Variants in FRMD4B observed in about 807,000 individuals in gnomAD.
FRMD4B encodes the protein FERM domain-containing protein 4B.
A neutral mutation model predicts 141.5 loss-of-function variants in FRMD4B; 74 were observed. The observed-to-expected ratio is 0.52, with a 90% CI of 0.43 to 0.63. FRMD4B has a LOEUF of 0.63. Ranked by LOEUF, FRMD4B falls within the 30% of genes least tolerant of loss-of-function variation. The pLI, the probability that FRMD4B is intolerant of heterozygous loss-of-function variation, is 0.00. For synonymous variants in FRMD4B, 506 were observed against 467.9 expected (o/e 1.08, Z -1.05); for missense variants, 1,366 against 1,253.4 (o/e 1.09, Z -1.36).
intron 22 of FRMD4B, among the ~76,000 whole-genome samples, chr3:69,175,067 G>A (rs545169874): frequency 4.6e-5 from 7 of 151,974 alleles, no homozygotes; most frequent in Middle Eastern, 3.2e-3. Context: ...CACTGAATGC[G>A]GAGGAAAAAA....
At chr3:69,455,625 A>G (rs1252023256) in intron 1 of FRMD4B, among the ~76,000 whole-genome samples, 3 of 152,226 alleles carry the variant, frequency 2.0e-5, no homozygotes, top group South Asian at 2.1e-4. Flanking sequence ...TGTAATGCTC[A>G]CTGCGAGGGT....
intron 1 of FRMD4B, among the ~76,000 whole-genome samples, chr3:69,374,176 T>C (rs1438327315): frequency 6.6e-6 from 1 of 152,230 alleles, no homozygotes; most frequent in Non-Finnish European, 1.5e-5. Flanking sequence ...GAGCTACTAT[T>C]TCTCCATCAA....
chr3:69,540,030 T>C (rs146693064), intron 1 of FRMD4B, among the ~76,000 whole-genome samples: 216 of 151,936 alleles, frequency 1.4e-3, no homozygotes, highest in African/African-American at 4.9e-3. Context: ...CGGTCTCTAC[T>C]AAAAATACAA....
At chr3:69,221,707 A>G in intron 9 of FRMD4B, 151 bp downstream of exon 9, 1 of 618,820 alleles carries the variant, frequency 1.6e-6, no homozygotes, top group South Asian at 1.8e-5. Flanking sequence ...CAATGTATAG[A>G]ATGACCGAAG....
intron 4 of FRMD4B, among the ~76,000 whole-genome samples, chr3:69,292,814 C>T (rs982897460): frequency 1.1e-4 from 7 of 66,482 alleles, no homozygotes; most frequent in Admixed American, 7.7e-4. Flanking sequence ...TTTTTTTCAG[C>T]CTTTTTTTTT....
chr3:69,376,897 C>T (rs1460289482), intron 1 of FRMD4B: 2 of 151,834 alleles, frequency 1.3e-5, no homozygotes, highest in African/African-American at 4.8e-5. Context: ...TCAGAATAAA[C>T]ATAAGTAGGG....
intron 2 of FRMD4B, among the ~76,000 whole-genome samples, chr3:69,391,672 C>G (rs1337235281): frequency 6.6e-6 from 1 of 152,190 alleles, no homozygotes; most frequent in Non-Finnish European, 1.5e-5. Flanking sequence ...TTATGAAAGT[C>G]TCTGACTGTA....
chr3:69,536,752 T>A (rs1701093758), intron 1 of FRMD4B: 1 of 538,058 alleles, frequency 1.9e-6, no homozygotes, highest in African/African-American at 1.9e-5. Flanking sequence ...ATTTTTTTAA[T>A]TTTTTATTTT....
rs75908870 is a variant in FRMD4B, at chr3:69,459,832, A to G, written c.-128-27071T>C. On this transcript the variant is annotated intron_variant, in intron 1 of 5. Coordinates refer to the FRMD4B transcript ENST00000459638. Reference sequence around the variant, plus strand: ...GTAATTGTTACCTCTTTTGTGTTCCATATTGAATTGTGCTTGTCTGTAACA... The same window carrying G: ...GTAATTGTTACCTCTTTTGTGTTCCGTATTGAATTGTGCTTGTCTGTAACA... 4.6e-5 allele frequency among the ~76,000 whole-genome samples: 7 copies of G among 152,354 alleles called. No homozygotes were observed. In the East Asian group the frequency reaches 7.7e-4, roughly 17 times the overall value.
At chr3:69,423,631 G>A (rs1345391425) in intron 2 of FRMD4B, among the ~76,000 whole-genome samples, 3 of 152,170 alleles carry the variant, frequency 2.0e-5, no homozygotes, top group Non-Finnish European at 2.9e-5. Context: ...GTGTCAGAAT[G>A]ATAGGAGATA....
At position 69,344,422 on chromosome 3, in the gene FRMD4B, T is replaced by A. The variant is rs79864041; in HGVS notation, c.163-30905A>T. On this transcript the variant is annotated intron_variant, in intron 1 of 22. Coordinates refer to ENST00000398540, the MANE Select transcript of FRMD4B (RefSeq NM_015123.3). The stretch of plus-strand genomic sequence containing the variant: ...GGTTAAACACAGTGACAGATAGAGC[T>A]GTAATATATTTGGGTAATAGGGAAG... Among the ~76,000 whole-genome samples the A allele has an allele frequency of 1.1e-4, 17 of 152,330 alleles. No individual in the cohort carries two copies. In the East Asian group the frequency reaches 3.3e-3, roughly 29 times the overall value.
At chr3:69,215,333 C>T (rs941874729) in intron 11 of FRMD4B, among the ~76,000 whole-genome samples, 2 of 61,646 alleles carry the variant, frequency 3.2e-5, no homozygotes, top group Non-Finnish European at 6.8e-5. Context: ...CTCTCTGTTG[C>T]CCAGGCTGGA....
At position 69,531,107 on chromosome 3, in the gene FRMD4B, A is replaced by T. The variant is rs1701003957; in HGVS notation, c.-129+11099T>A. Among the ~76,000 whole-genome samples, 5 of 152,358 alleles carry T rather than the reference A, an allele frequency of 3.3e-5. No homozygotes were observed. In the South Asian group the frequency reaches 1.0e-3, roughly 32 times the overall value. On this transcript the variant is annotated intron_variant, in intron 1 of 5. Coordinates refer to the FRMD4B transcript ENST00000459638. The stretch of plus-strand genomic sequence containing the variant: ...CTTCAATTTTTACCTGTAAAGTAGG[A>T]GGAATAATAATGATCATTTCTTGGA...
At chr3:69,392,426 C>G (rs1704400060) in intron 2 of FRMD4B, among the ~76,000 whole-genome samples, 1 of 152,040 alleles carries the variant, frequency 6.6e-6, no homozygotes, top group African/African-American at 2.4e-5. Context: ...ATCCAAGGCA[C>G]AGGGAGCCTT....
In FRMD4B at chr3:69,170,975, A is replaced by C. The variant is rs2092580831; in HGVS notation, c.*886T>G. On this transcript the variant is annotated 3_prime_UTR_variant, in exon 23 of 23. Coordinates refer to ENST00000398540, the MANE Select transcript of FRMD4B (RefSeq NM_015123.3). ...TTTGGATACTTTCTGTATCATCTTAAAATGCTTTTTCAAACTCATAATTAT... is the reference window on the plus strand; with the variant it reads ...TTTGGATACTTTCTGTATCATCTTACAATGCTTTTTCAAACTCATAATTAT... The C allele has an allele frequency of 6.6e-6, 1 of 152,112 alleles. No individual in the cohort carries two copies. Among genetic ancestry groups the C allele is most frequent in the Non-Finnish European group, 1.5e-5 (1 of 68,022 alleles). The allele number at this position is 152,112 out of a possible 1,614,324, so 9.4% of individuals were successfully genotyped here. A position where few individuals can be genotyped will look rare whatever the true frequency, so the allele number is the denominator to read the frequency against.
At chr3:69,256,572 G>A (rs950311029) in intron 5 of FRMD4B, among the ~76,000 whole-genome samples, 4 of 152,258 alleles carry the variant, frequency 2.6e-5, no homozygotes, top group Non-Finnish European at 5.9e-5. Flanking sequence ...CGCCTGCCTT[G>A]GCCTCCCAAA....
intron 2 of FRMD4B, among the ~76,000 whole-genome samples, chr3:69,407,384 C>T (rs547862147): frequency 2.0e-5 from 3 of 152,256 alleles, no homozygotes; most frequent in East Asian, 3.9e-4. Context: ...ATATCTCTCA[C>T]GGTGTCAGCA....
rs781261651 is a variant in FRMD4B at position 69,287,743 on chromosome 3, G to A, written c.501+9C>T. 10 of 1,515,368 alleles carry A rather than the reference G, an allele frequency of 6.6e-6. No homozygotes were observed. Among genetic ancestry groups the A allele is most frequent in the South Asian group, 5.7e-5 (5 of 87,934 alleles). The allele number at this position is 1,515,368 out of a possible 1,614,324, so 93.9% of individuals were successfully genotyped here. A position where few individuals can be genotyped will look rare whatever the true frequency, so the allele number is the denominator to read the frequency against. On this transcript the variant is annotated intron_variant, in intron 5 of 22. Coordinates refer to ENST00000398540, the MANE Select transcript of FRMD4B (RefSeq NM_015123.3). The stretch of plus-strand genomic sequence containing the variant: ...GGCATCCAGTGAACATGACAAACGG[G>A]GCACCTACCTTGTGCACACAGGCCT...
intron 1 of FRMD4B, among the ~76,000 whole-genome samples, chr3:69,441,007 A>G (rs1451536721): frequency 6.6e-6 from 1 of 152,130 alleles, no homozygotes; most frequent in Non-Finnish European, 1.5e-5. Context: ...AAGCAGATGT[A>G]TATTTTCTTA....
Sources: gnomAD v4.1 joint callset for allele counts (sites outside exome capture counted in the v4.1 genomes callset) on GRCh38, gnomAD v4.1.1 for gene constraint, MANE v1.5 for transcripts, NCBI Gene and HGNC (gene_info 2026-07-23, HGNC 2026-07-21) for gene names.